Variants in TCERG1L observed in about 807,000 individuals in gnomAD.
TCERG1L encodes transcription elongation regulator 1 like.
TCERG1L carries 37 observed loss-of-function variants against 56.3 expected under a neutral mutation model. The ratio of observed to expected loss-of-function variants is 0.66; its 90% CI spans 0.51 to 0.87. The LOEUF is 0.87. Ranked by LOEUF, TCERG1L falls within the 40% of genes least tolerant of loss-of-function variation. TCERG1L has a pLI of 0.00. For missense variants in TCERG1L, 799 were observed against 774.2 expected (o/e 1.03, Z -0.38); for synonymous variants, 324 against 326.3 (o/e 0.99, Z 0.08).
rs190061993 is a variant in TCERG1L, at chr10:131,298,069, T to C, written c.670+10142A>G. The stretch of plus-strand genomic sequence containing the variant: ...ATTTTTTAATTTCTGCTGTTATCTT[T>C]ACTATATCCTTAGATTTAATTACTT... On this transcript the variant is annotated intron_variant, in intron 3 of 11. Coordinates refer to ENST00000368642, the MANE Select transcript of TCERG1L (RefSeq NM_174937.4). Among the ~76,000 whole-genome samples, 702 of 152,100 alleles carry C rather than the reference T, an allele frequency of 4.6e-3. 4 individuals carry two copies. Among genetic ancestry groups the C allele is most frequent in the African/African-American group, 0.016 (671 of 41,550 alleles).
chr10:131,173,363 C>T (rs771149422), intron 4 of TCERG1L, among the ~76,000 whole-genome samples: 1 of 152,094 alleles, frequency 6.6e-6, no homozygotes, highest in Admixed American at 6.5e-5. Flanking sequence ...ACAAATTATC[C>T]GTCAATTTAA....
intron 3 of TCERG1L, among the ~76,000 whole-genome samples, chr10:131,268,565 G>A (rs191034857): frequency 1.3e-4 from 19 of 151,898 alleles, no homozygotes; most frequent in Admixed American, 2.0e-4. Flanking sequence ...AGTCCTAGAC[G>A]GCATCTTCTT....
At chr10:131,147,998 C>T (rs1204965395) in intron 6 of TCERG1L, among the ~76,000 whole-genome samples, 1 of 152,238 alleles carries the variant, frequency 6.6e-6, no homozygotes. Context: ...CCTGGGCAGA[C>T]CAGGACCCCT....
chr10:131,187,943 T>G (rs1049451193), intron 4 of TCERG1L, among the ~76,000 whole-genome samples: 1 of 152,200 alleles, frequency 6.6e-6, no homozygotes. Context: ...AGCCTGTGCC[T>G]GATGGAAGGG....
chr10:131,134,494 G>A (rs768040450), intron 7 of TCERG1L, 46 bp from the exon 8 acceptor site: 3 of 1,513,262 alleles, frequency 2.0e-6, no homozygotes, highest in East Asian at 4.8e-5. Flanking sequence ...CAGAGCTCAG[G>A]GCTTTGGCAA....
rs1348876500 is a variant in TCERG1L at position 131,267,639 on chromosome 10, G to A, written c.671-7195C>T. ...CTGCAACTTTGGCCGGGTGCTTATG[G>A]GCTCCCAGGACATGGCAGAGTGTGA... On this transcript the variant is annotated intron_variant, in intron 3 of 11. Transcript: ENST00000368642. The surrounding 1 kb of genome is among the most constrained non-coding windows in gnomAD (Gnocchi z 4.9). Among the ~76,000 whole-genome samples the A allele has an allele frequency of 6.6e-6, 1 of 152,220 alleles. No homozygotes were observed. Among genetic ancestry groups the A allele is most frequent in the Non-Finnish European group, 1.5e-5 (1 of 68,046 alleles).
intron 6 of TCERG1L, among the ~76,000 whole-genome samples, chr10:131,153,622 C>A (rs1420989188): frequency 6.6e-6 from 1 of 152,186 alleles, no homozygotes; most frequent in Non-Finnish European, 1.5e-5. Flanking sequence ...AGATCCTAGG[C>A]CAGCATTTGT....
chr10:131,222,116 A>G (rs1254865378), intron 4 of TCERG1L, among the ~76,000 whole-genome samples: 2 of 152,260 alleles, frequency 1.3e-5, no homozygotes, highest in East Asian at 1.9e-4. Flanking sequence ...AGTGAGTAAC[A>G]TATTACACCA....
intron 4 of TCERG1L, among the ~76,000 whole-genome samples, chr10:131,198,120 G>A (rs892867368): frequency 7.9e-5 from 12 of 152,218 alleles, no homozygotes; most frequent in South Asian, 4.1e-4. Context: ...TGGGTGCAGC[G>A]CTGCTGTGTC....
chr10:131,287,583 G>A (rs181725740), intron 3 of TCERG1L, among the ~76,000 whole-genome samples: 1 of 152,202 alleles, frequency 6.6e-6, no homozygotes, highest in African/African-American at 2.4e-5. Flanking sequence ...GTACAGTCCA[G>A]ATATAGAGAA....
At chr10:131,154,996 G>A (rs758700186) in intron 6 of TCERG1L, among the ~76,000 whole-genome samples, 15 of 152,206 alleles carry the variant, frequency 9.9e-5, no homozygotes, top group Non-Finnish European at 1.5e-4. Context: ...GGCGGCTGCT[G>A]CACAGTGAGA....
At chr10:131,218,894 C>T (rs1187717537) in intron 4 of TCERG1L, among the ~76,000 whole-genome samples, 1 of 152,142 alleles carries the variant, frequency 6.6e-6, no homozygotes, top group African/African-American at 2.4e-5. Context: ...GACCTCTCCT[C>T]CTCCCTGGCA....
intron 6 of TCERG1L, among the ~76,000 whole-genome samples, chr10:131,155,781 C>T (rs572436860): frequency 1.3e-5 from 2 of 152,298 alleles, no homozygotes; most frequent in African/African-American, 4.8e-5. Flanking sequence ...CTGGAGGTGG[C>T]ACAGCCCACG....
chr10:131,123,732 G>A (rs182390625), intron 8 of TCERG1L, among the ~76,000 whole-genome samples: 139 of 151,886 alleles, frequency 9.2e-4, no homozygotes, highest in African/African-American at 3.2e-3. Context: ...TTGGAGTGCA[G>A]AGACAACTCT....
intron 6 of TCERG1L, among the ~76,000 whole-genome samples, chr10:131,158,272 G>A (rs563490288): frequency 6.6e-5 from 10 of 152,298 alleles, no homozygotes; most frequent in South Asian, 2.1e-4. Flanking sequence ...TTTCTAAGAC[G>A]CTTTCCCAAG....
chr10:131,098,673 C>A (rs1171768337), intron 10 of TCERG1L, among the ~76,000 whole-genome samples: 1 of 152,204 alleles, frequency 6.6e-6, no homozygotes, highest in East Asian at 1.9e-4. Context: ...CTGGGTCAAA[C>A]GTGAAGCAGC....
At chr10:131,119,629 C>G (rs895592880) in intron 8 of TCERG1L, among the ~76,000 whole-genome samples, 1 of 152,212 alleles carries the variant, frequency 6.6e-6, no homozygotes, top group Admixed American at 6.5e-5. Flanking sequence ...CGCACGCCTT[C>G]CAAATGGCTA....
At chr10:131,286,805 C>A (rs542032592) in intron 3 of TCERG1L, among the ~76,000 whole-genome samples, 1 of 152,304 alleles carries the variant, frequency 6.6e-6, no homozygotes, top group South Asian at 2.1e-4. Flanking sequence ...ACAAATAGAT[C>A]TCTGAGATCT....
At chr10:131,251,108 T>C (rs1015861920) in intron 4 of TCERG1L, among the ~76,000 whole-genome samples, 3 of 152,118 alleles carry the variant, frequency 2.0e-5, no homozygotes, top group Admixed American at 1.3e-4. Context: ...TGCTGTATGG[T>C]GCCCCTTTCA....
Sources: gnomAD v4.1 joint callset for allele counts (sites outside exome capture counted in the v4.1 genomes callset) on GRCh38, gnomAD v4.1.1 for gene constraint, Gnocchi (gnomAD v3.1) non-coding constraint, MANE v1.5 for transcripts, NCBI Gene and HGNC (gene_info 2026-07-23, HGNC 2026-07-21) for gene names.